Variants in ENTREP2 observed in about 807,000 individuals in gnomAD.
ENTREP2 encodes endosomal transmembrane epsin interactor 2, also known as protein ENTREP2.
the ENTREP2 span, among the ~76,000 whole-genome samples, chr15:29,542,207 G>C: frequency 6.6e-6 from 1 of 152,126 alleles, no homozygotes; most frequent in Non-Finnish European, 1.5e-5. Context: ...AAGGGACGGG[G>C]TTTCACCATG....
the ENTREP2 span, among the ~76,000 whole-genome samples, chr15:29,642,622 A>G: frequency 0.017 from 2,555 of 150,356 alleles, 63 homozygotes; most frequent in African/African-American, 0.059. Context: ...TACATACTAT[A>G]TATTTTTTTG....
At chr15:29,515,460 C>T in the ENTREP2 span, among the ~76,000 whole-genome samples, 2 of 152,274 alleles carry the variant, frequency 1.3e-5, no homozygotes, top group Non-Finnish European at 2.9e-5. Context: ...TTCTCTACTC[C>T]GTCTACTGAT....
At chr15:29,128,940 G>A in the ENTREP2 span, 19 of 931,334 alleles carry the variant, frequency 2.0e-5, no homozygotes, top group Non-Finnish European at 2.8e-5. Context: ...TAGTGTAGGC[G>A]CTTAAACTTG....
the ENTREP2 span, among the ~76,000 whole-genome samples, chr15:29,621,528 A>C: frequency 3.0e-5 from 4 of 134,688 alleles, no homozygotes; most frequent in Admixed American, 7.3e-5. Flanking sequence ...GTCTCAAAAA[A>C]AAAAAAAAAA....
chr15:29,159,741 CAG>C, the ENTREP2 span, among the ~76,000 whole-genome samples: 3 of 152,192 alleles, frequency 2.0e-5, no homozygotes, highest in Admixed American at 6.5e-5. Context: ...GAGTTAGACA[CAG>C]GGTGCTGATT....
At chr15:29,584,317 T>G in the ENTREP2 span, among the ~76,000 whole-genome samples, 7 of 152,262 alleles carry the variant, frequency 4.6e-5, no homozygotes, top group East Asian at 1.2e-3. Flanking sequence ...GAAAACAAAA[T>G]CTATATCTTG....
chr15:29,124,002 C>G, the ENTREP2 span, among the ~76,000 whole-genome samples: 5 of 152,224 alleles, frequency 3.3e-5, no homozygotes, highest in East Asian at 3.9e-4. Context: ...TGGGTCTGAT[C>G]TCTTGCTGGG....
the ENTREP2 span, among the ~76,000 whole-genome samples, chr15:29,658,490 A>G: frequency 7.2e-5 from 11 of 152,162 alleles, no homozygotes; most frequent in Non-Finnish European, 2.9e-5. Flanking sequence ...GGGGGAAGGT[A>G]GAATTTTTAG....
At chr15:29,123,214 G>T in the ENTREP2 span, 26 of 1,039,546 alleles carry the variant, frequency 2.5e-5, no homozygotes, top group African/African-American at 3.5e-4. Context: ...ATCATCCTGG[G>T]TGTCCCCCCC....
At chr15:29,168,855 G>A in the ENTREP2 span, among the ~76,000 whole-genome samples, 3 of 152,174 alleles carry the variant, frequency 2.0e-5, no homozygotes, top group Non-Finnish European at 2.9e-5. Context: ...CACACTCTCC[G>A]CAAGGGTTCA....
chr15:29,217,491 T>C, the ENTREP2 span, among the ~76,000 whole-genome samples: 1 of 152,346 alleles, frequency 6.6e-6, no homozygotes, highest in Middle Eastern at 3.4e-3. Flanking sequence ...TTGGGTTAAT[T>C]TGAAGACCTT....
the ENTREP2 span, among the ~76,000 whole-genome samples, chr15:29,625,179 T>A: frequency 6.6e-6 from 1 of 152,236 alleles, no homozygotes; most frequent in African/African-American, 2.4e-5. Flanking sequence ...ATGCCCTTAA[T>A]ATCCATCCAA....
chr15:29,390,155 C>G, the ENTREP2 span, among the ~76,000 whole-genome samples: 3 of 152,184 alleles, frequency 2.0e-5, no homozygotes, highest in Non-Finnish European at 4.4e-5. Context: ...TGCTCTGAAA[C>G]CATCGGATCT....
chr15:29,595,850 G>A, the ENTREP2 span, among the ~76,000 whole-genome samples: 3 of 151,870 alleles, frequency 2.0e-5, no homozygotes, highest in African/African-American at 7.3e-5. Context: ...TTGGACTTTG[G>A]GGGCTCTTTC....
the ENTREP2 span, among the ~76,000 whole-genome samples, chr15:29,334,919 CTCTG>C: frequency 6.6e-6 from 1 of 152,206 alleles, no homozygotes. Flanking sequence ...GCCCTGGCTG[CTCTG>C]TCTATCCCAG....
chr15:29,644,813 T>TAAAAAAAAAA, the ENTREP2 span, among the ~76,000 whole-genome samples: 3 of 61,056 alleles, frequency 4.9e-5, no homozygotes, highest in African/African-American at 6.6e-5. Context: ...TCCATCTCCA[T>TAAAAAAAAAA]AAAAAAAAAA....
chr15:29,330,444 G>A, the ENTREP2 span, among the ~76,000 whole-genome samples: 1 of 151,972 alleles, frequency 6.6e-6, no homozygotes, highest in African/African-American at 2.4e-5. Context: ...GCGAGACTCT[G>A]TCTCAAAAAA....
At chr15:29,476,405 C>T in the ENTREP2 span, among the ~76,000 whole-genome samples, 1 of 152,152 alleles carries the variant, frequency 6.6e-6, no homozygotes, top group Non-Finnish European at 1.5e-5. Context: ...GGCTTCTGAG[C>T]TAAAGTGGGA....
At chr15:29,439,289 AC>A in the ENTREP2 span, among the ~76,000 whole-genome samples, 6,163 of 98,646 alleles carry the variant, frequency 0.062, 368 homozygotes, top group African/African-American at 0.14. Context: ...GGAATTACAC[AC>A]ACACACACAC....
Sources: gnomAD v4.1 joint callset for allele counts (sites outside exome capture counted in the v4.1 genomes callset) on GRCh38, gnomAD v4.1.1 for gene constraint, MANE v1.5 for transcripts, NCBI Gene and HGNC (gene_info 2026-07-23, HGNC 2026-07-21) for gene names.